CNTNAP2: variants seen among roughly 807,000 people sequenced by gnomAD.
CNTNAP2 encodes the protein contactin-associated protein-like 2.
A neutral mutation model predicts 155.2 loss-of-function variants in CNTNAP2; 98 were observed. That is an observed-to-expected ratio of 0.63 (90% CI 0.54 to 0.75). CNTNAP2 has a LOEUF of 0.75. Among genes scored for constraint, CNTNAP2 ranks in the 30% least tolerant of loss-of-function variants. The pLI is 0.00. For missense variants in CNTNAP2, 1,727 were observed against 1,688.1 expected, an observed-to-expected ratio of 1.02 and a Z score of -0.40; for synonymous variants, 651 against 631.2, an observed-to-expected ratio of 1.03 and a Z score of -0.47.
chr7:147,825,535 A>C (rs1584975923), intron 13 of CNTNAP2, among the ~76,000 whole-genome samples: 1 of 152,348 alleles, frequency 6.6e-6, no homozygotes, highest in South Asian at 2.1e-4. Context: ...CCTCAGAAAG[A>C]AAACACTGAT....
chr7:147,794,534 T>A (rs1797862637), intron 13 of CNTNAP2, among the ~76,000 whole-genome samples: 1 of 151,976 alleles, frequency 6.6e-6, no homozygotes, highest in Non-Finnish European at 1.5e-5. Context: ...TTCCTGGGTT[T>A]GATTTGCTAG....
chr7:146,697,832 T>G (rs1800808060), intron 1 of CNTNAP2, among the ~76,000 whole-genome samples: 1 of 152,182 alleles, frequency 6.6e-6, no homozygotes, highest in East Asian at 1.9e-4. Flanking sequence ...TTATAACTGC[T>G]TTCTAGCCAT....
At chr7:147,821,773 A>G (rs1418958822) in intron 13 of CNTNAP2, among the ~76,000 whole-genome samples, 1 of 152,154 alleles carries the variant, frequency 6.6e-6, no homozygotes, top group Non-Finnish European at 1.5e-5. Context: ...AATTGCGGCG[A>G]CAGGTAGGGA....
chr7:146,882,478 G>A (rs185549567), intron 3 of CNTNAP2, among the ~76,000 whole-genome samples: 3 of 152,116 alleles, frequency 2.0e-5, no homozygotes, highest in East Asian at 1.9e-4. Context: ...GAGTTCTCAC[G>A]ACATCTGATG....
chr7:146,590,763 C>T (rs1367727011), intron 1 of CNTNAP2, among the ~76,000 whole-genome samples: 2 of 152,142 alleles, frequency 1.3e-5, no homozygotes, highest in African/African-American at 4.8e-5. Flanking sequence ...TTTCCCCATG[C>T]AATCACGCCC....
At chr7:146,287,236 C>T (rs966648187) in intron 1 of CNTNAP2, among the ~76,000 whole-genome samples, 2 of 152,142 alleles carry the variant, frequency 1.3e-5, no homozygotes, top group African/African-American at 2.4e-5. Flanking sequence ...ATGACTCATA[C>T]TGCTGAAACT....
chr7:146,566,137 C>T lies in CNTNAP2; in HGVS notation c.98-208134C>T, dbSNP rs115590765. Among the ~76,000 whole-genome samples, 1,487 of 152,280 alleles carry T rather than the reference C, an allele frequency of 9.8e-3. 14 individuals carry two copies. The highest frequency in any genetic ancestry group is 0.034 in the African/African-American group (1,424 of 41,568). On this transcript the variant is annotated intron_variant, in intron 1 of 23. Transcript: ENST00000361727. ...GGAGGTGAACATCAGCTTTGTTATT[C>T]CAGCTGGGTGCTGCAGTCCTTGAAC...
chr7:146,459,130 T>C (rs1796600146), intron 1 of CNTNAP2, among the ~76,000 whole-genome samples: 1 of 152,136 alleles, frequency 6.6e-6, no homozygotes, highest in Non-Finnish European at 1.5e-5. Context: ...AATGGAGAAA[T>C]CAGGCCTGCT....
intron 14 of CNTNAP2, among the ~76,000 whole-genome samples, chr7:147,959,225 A>G (rs1801075099): frequency 6.6e-6 from 1 of 152,042 alleles, no homozygotes; most frequent in Non-Finnish European, 1.5e-5. Context: ...CTCAAGTGTG[A>G]GTGCACATTC....
chr7:146,409,668 A>G (rs1795839367), intron 1 of CNTNAP2, among the ~76,000 whole-genome samples: 1 of 152,168 alleles, frequency 6.6e-6, no homozygotes, highest in South Asian at 2.1e-4. Context: ...CCCAAGGGTA[A>G]AATCATGCTT....
chr7:148,210,440 G>A (rs1795525617), intron 18 of CNTNAP2, among the ~76,000 whole-genome samples: 1 of 152,192 alleles, frequency 6.6e-6, no homozygotes, highest in Non-Finnish European at 1.5e-5. Context: ...CTATCTTCCT[G>A]TTTAAGACCC....
At chr7:146,301,814 G>T (rs191796943) in intron 1 of CNTNAP2, among the ~76,000 whole-genome samples, 2 of 152,266 alleles carry the variant, frequency 1.3e-5, no homozygotes, top group African/African-American at 2.4e-5. Context: ...CCTGTGTGCT[G>T]GGTGTGGAAG....
intron 12 of CNTNAP2, among the ~76,000 whole-genome samples, chr7:147,582,640 A>G (rs914879874): frequency 6.6e-6 from 1 of 152,160 alleles, no homozygotes; most frequent in Non-Finnish European, 1.5e-5. Context: ...TGATTTATCT[A>G]TCCTAATTAT....
intron 12 of CNTNAP2, among the ~76,000 whole-genome samples, chr7:147,567,124 G>A (rs546503501): frequency 6.6e-6 from 1 of 151,786 alleles, no homozygotes; most frequent in Non-Finnish European, 1.5e-5. Flanking sequence ...TGCATAGACA[G>A]CATAGGGGAG....
chr7:146,805,634 C>T (rs889400405), intron 2 of CNTNAP2, among the ~76,000 whole-genome samples: 2 of 152,164 alleles, frequency 1.3e-5, no homozygotes, highest in Admixed American at 6.5e-5. Flanking sequence ...AAGTCTACCA[C>T]TCTCTACTCC....
intron 5 of CNTNAP2, among the ~76,000 whole-genome samples, chr7:147,113,054 C>T (rs1800915003): frequency 6.6e-6 from 1 of 151,970 alleles, no homozygotes; most frequent in African/African-American, 2.4e-5. Flanking sequence ...ATTACTGCCT[C>T]AATTTCAGAA....
intron 21 of CNTNAP2, among the ~76,000 whole-genome samples, chr7:148,359,755 G>A (rs977491218): frequency 1.3e-5 from 2 of 152,188 alleles, no homozygotes; most frequent in African/African-American, 2.4e-5. Flanking sequence ...AGAGAGAAGC[G>A]TTCTTGAATT....
chr7:147,516,170 C>CA (rs1356665423), intron 11 of CNTNAP2, among the ~76,000 whole-genome samples: 3 of 151,944 alleles, frequency 2.0e-5, no homozygotes, highest in Non-Finnish European at 4.4e-5. Flanking sequence ...ATGTGATTGC[C>CA]AAAAAATGCA....
At chr7:146,890,531 A>G (rs1027881648) in intron 3 of CNTNAP2, among the ~76,000 whole-genome samples, 3 of 152,220 alleles carry the variant, frequency 2.0e-5, no homozygotes, top group African/African-American at 4.8e-5. Flanking sequence ...ATATTTGTCT[A>G]TCAAACAAAC....
Sources: gnomAD v4.1 joint callset for allele counts (sites outside exome capture counted in the v4.1 genomes callset) on GRCh38, gnomAD v4.1.1 for gene constraint, MANE v1.5 for transcripts, NCBI Gene and HGNC (gene_info 2026-07-23, HGNC 2026-07-21) for gene names.